SLC12A6: variants seen among roughly 807,000 people sequenced by gnomAD.
SLC12A6 encodes the protein solute carrier family 12 member 6.
SLC12A6 carries 66 observed loss-of-function variants against 135.3 expected under a neutral mutation model. The observed-to-expected ratio is 0.49, with a 90% CI of 0.40 to 0.60. The LOEUF (loss-of-function observed/expected upper bound fraction) is 0.60. Among genes scored for constraint, SLC12A6 ranks in the 20% least tolerant of loss-of-function variants. The pLI is 0.00. For missense variants in SLC12A6, 1,058 were observed against 1,452.3 expected, an observed-to-expected ratio of 0.73 and a Z score of 4.41; for synonymous variants, 513 against 508.8, an observed-to-expected ratio of 1.01 and a Z score of -0.11.
intron 2 of SLC12A6, among the ~76,000 whole-genome samples, chr15:34,288,899 T>G (rs1474562718): frequency 2.6e-5 from 4 of 152,104 alleles, no homozygotes; most frequent in Non-Finnish European, 5.9e-5. Context: ...GACGATGGGG[T>G]TTTCTAAATA....
chr15:34,265,415 AC>A (rs59326151), intron 3 of SLC12A6, among the ~76,000 whole-genome samples: 17,321 of 145,370 alleles, frequency 0.12, 1,126 homozygotes, highest in African/African-American at 0.17. Flanking sequence ...AAAAAAAAAA[AC>A]AAACAAAAAA....
intron 2 of SLC12A6, among the ~76,000 whole-genome samples, chr15:34,309,532 CT>C (rs1887999087): frequency 6.6e-6 from 1 of 151,950 alleles, no homozygotes; most frequent in Non-Finnish European, 1.5e-5. Flanking sequence ...GTGAGAGATT[CT>C]AAAAAGCCGA....
chr15:34,311,381 T>C (rs1470435904), intron 2 of SLC12A6, among the ~76,000 whole-genome samples: 1 of 152,176 alleles, frequency 6.6e-6, no homozygotes, highest in East Asian at 1.9e-4. Flanking sequence ...AATATTTAAA[T>C]AAATGAATGA....
intron 2 of SLC12A6, among the ~76,000 whole-genome samples, chr15:34,308,656 A>AAAAAAAAAG (rs1887928308): frequency 6.8e-6 from 1 of 148,052 alleles, no homozygotes; most frequent in African/African-American, 2.5e-5. Context: ...AAAAAAACAA[A>AAAAAAAAAG]CCAGATTGTT....
At chr15:34,285,592 T>G (rs12594569) in intron 2 of SLC12A6, among the ~76,000 whole-genome samples, 58,062 of 150,678 alleles carry the variant, frequency 0.39, 14,216 homozygotes, top group African/African-American at 0.71. Flanking sequence ...TAGGTGTGAG[T>G]TCTCCATGTA....
intron 8 of SLC12A6, 126 bp from the exon 9 acceptor site, chr15:34,254,715 G>A (rs1892630059): frequency 1.4e-6 from 1 of 739,564 alleles, no homozygotes; most frequent in Middle Eastern, 3.8e-4. Flanking sequence ...TGGGGAATTA[G>A]CCTAGTTTCT....
intron 21 of SLC12A6, 150 bp from the exon 22 acceptor site, chr15:34,237,700 AT>A: frequency 1.5e-6 from 1 of 656,910 alleles, no homozygotes; most frequent in Non-Finnish European, 2.8e-6. Flanking sequence ...ATGTTATTGT[AT>A]TAGGGCAAAA....
intron 2 of SLC12A6, among the ~76,000 whole-genome samples, chr15:34,298,253 G>A (rs566156978): frequency 6.6e-6 from 1 of 152,200 alleles, no homozygotes; most frequent in East Asian, 1.9e-4. Context: ...GAGGCAGGTG[G>A]ATCACAAGGT....
rs879478639 is a variant in SLC12A6 at position 34,310,005 on chromosome 15, C to CTTTTTTTTTTT, written c.271+26394_271+26404dup. On this transcript the variant is annotated intron_variant, in intron 2 of 25. Coordinates refer to ENST00000354181, the MANE Select transcript of SLC12A6 (RefSeq NM_001365088.1). The stretch of plus-strand genomic sequence containing the variant: ...ATGTTAGTGAATAAAAAGAGATAAT[C>CTTTTTTTTTTT]TTTTTTTTTTTTTGAGACAGGGTCT... Among the ~76,000 whole-genome samples, 118 of 144,136 alleles carry CTTTTTTTTTTT rather than the reference C, an allele frequency of 8.2e-4. 1 individual carries two copies. Among genetic ancestry groups the CTTTTTTTTTTT allele is most frequent in the African/African-American group, 2.8e-3 (109 of 39,076 alleles). 94.6% of individuals were successfully genotyped at this position (144,136 alleles called of 152,430 possible).
intron 4 of SLC12A6, among the ~76,000 whole-genome samples, chr15:34,260,492 T>A (rs1893045000): frequency 6.6e-6 from 1 of 152,144 alleles, no homozygotes; most frequent in African/African-American, 2.4e-5. Flanking sequence ...TCTCCTAACC[T>A]TGTGATCCAC....
chr15:34,267,727 C>T (rs1055778495), intron 3 of SLC12A6, among the ~76,000 whole-genome samples: 1 of 152,142 alleles, frequency 6.6e-6, no homozygotes, highest in Non-Finnish European at 1.5e-5. Flanking sequence ...TGGCTTGTAA[C>T]TTTGTGTTTT....
At chr15:34,259,298 G>A (rs961236548) in intron 4 of SLC12A6, among the ~76,000 whole-genome samples, 1 of 150,768 alleles carries the variant, frequency 6.6e-6, no homozygotes, top group Non-Finnish European at 1.5e-5. Flanking sequence ...CCGAGATCGC[G>A]CCACTGCGCT....
chr15:34,327,378 CA>C, intron 2 of SLC12A6, among the ~76,000 whole-genome samples: 1 of 152,156 alleles, frequency 6.6e-6, no homozygotes, highest in East Asian at 1.9e-4. Flanking sequence ...AACAAACAAA[CA>C]ACTTTAGCCA....
chr15:34,332,968 T>A (rs75851139), intron 2 of SLC12A6, among the ~76,000 whole-genome samples: 23,541 of 152,014 alleles, frequency 0.15, 1,918 homozygotes, highest in South Asian at 0.2. Flanking sequence ...CTTTGCCACT[T>A]TGTGATCTAC....
chr15:34,335,731 G>T (rs1406835690), intron 2 of SLC12A6, among the ~76,000 whole-genome samples: 2 of 152,246 alleles, frequency 1.3e-5, no homozygotes, highest in African/African-American at 4.8e-5. Context: ...GCCAGGAGTG[G>T]CTTGTGTGCT....
rs1890893217 is a variant in SLC12A6, at chr15:34,231,140, G to T, written c.*2741C>A. 6.6e-6 allele frequency: 1 copy of T among 152,258 alleles called. No homozygotes were observed. The highest frequency in any genetic ancestry group is 6.5e-5 in the Admixed American group (1 of 15,284). 9.4% of individuals were successfully genotyped at this position (152,258 alleles called of 1,614,324 possible). ...GGCCAAGGCGGGCGGATCACCTGAG[G>T]TTGGGAGTTCGAGACCAGCCTGACC... is the stretch of plus-strand genomic sequence containing the variant. On this transcript the variant is annotated 3_prime_UTR_variant, in exon 26 of 26. Coordinates refer to ENST00000354181, the MANE Select transcript of SLC12A6 (RefSeq NM_001365088.1).
intron 2 of SLC12A6, among the ~76,000 whole-genome samples, chr15:34,278,732 A>G (rs1436532082): frequency 6.6e-6 from 1 of 151,582 alleles, no homozygotes; most frequent in Non-Finnish European, 1.5e-5. Context: ...CACCACGCCC[A>G]GCTAATTTTT....
rs1363478980 is a variant in SLC12A6, at chr15:34,255,303, C to T, written c.835G>A (p.Ala279Thr). The change falls in exon 8 of 26, where the codon GCA (alanine) becomes ACA (threonine). Residue 279 changes from alanine (A) to threonine (T), a missense_variant. This residue lies in a region of SLC12A6 where 139 missense variants were observed against 202.2 expected (regional missense o/e 0.69). Transcript: ENST00000354181. ...GLCFYLGTTF[A>T]AAMYILGAIE... Reference sequence around the variant, plus strand: ...GCACCAAGGATGTACATGGCTGCTGCAAATGTGGTACCAAGATAAAAGCAG... The same window carrying T: ...GCACCAAGGATGTACATGGCTGCTGTAAATGTGGTACCAAGATAAAAGCAG... The T allele has an allele frequency of 1.2e-6, 2 of 1,610,770 alleles. No individual in the cohort carries two copies. The highest frequency in any genetic ancestry group is 1.7e-6 in the Non-Finnish European group (2 of 1,177,058).
At chr15:34,234,023 C>A in intron 25 of SLC12A6, 51 bp from the exon 26 acceptor site, 1 of 902,394 alleles carries the variant, frequency 1.1e-6, no homozygotes. Flanking sequence ...AACTTAAAAC[C>A]TGGCATCATC....
Sources: allele counts gnomAD v4.1 joint callset (sites outside exome capture counted in the v4.1 genomes callset), GRCh38; gene constraint gnomAD v4.1.1; regional missense constraint gnomAD v4.1.1; transcripts MANE v1.5; gene names NCBI Gene and HGNC (gene_info 2026-07-23, HGNC 2026-07-21).